Variants in ENPP6 observed in about 807,000 individuals in gnomAD.
ENPP6 encodes ectonucleotide pyrophosphatase/phosphodiesterase 6, also known as glycerophosphocholine cholinephosphodiesterase ENPP6.
A neutral mutation model predicts 42.0 loss-of-function variants in ENPP6; 32 were observed. The observed-to-expected ratio is 0.76, with a 90% confidence interval of 0.58 to 1.02. ENPP6 has a LOEUF of 1.02. Among genes scored for constraint, ENPP6 ranks in the 50% least tolerant of loss-of-function variants. ENPP6 has a pLI of 0.00. For missense variants in ENPP6, 552 were observed against 566.8 expected (o/e 0.97, Z 0.27); for synonymous variants, 213 against 216.0 (o/e 0.99, Z 0.12).
chr4:184,209,749 C>A (rs1179733206), intron 1 of ENPP6, among the ~76,000 whole-genome samples: 3 of 147,972 alleles, frequency 2.0e-5, no homozygotes, highest in Non-Finnish European at 4.4e-5. Flanking sequence ...CACAAAGATA[C>A]CCCTCGAGAA....
rs114136453 is a variant in ENPP6, at chr4:184,180,651, G to T, written c.242-26918C>A. Reference sequence around the variant, plus strand: ...ACTGAACTCAGCAGCACATCAAAAAGCTTATCCACCGTAGTGGAGTTGGCT... The same window carrying T: ...ACTGAACTCAGCAGCACATCAAAAATCTTATCCACCGTAGTGGAGTTGGCT... On this transcript the variant is annotated intron_variant, in intron 1 of 7. Coordinates refer to ENST00000296741, the MANE Select transcript of ENPP6 (RefSeq NM_153343.4). 3.6e-3 allele frequency among the ~76,000 whole-genome samples: 551 copies of T among 152,286 alleles called. 3 individuals carry two copies. The highest frequency in any genetic ancestry group is 0.013 in the African/African-American group (535 of 41,556).
At chr4:184,113,710 A>C (rs1736251502) in intron 5 of ENPP6, among the ~76,000 whole-genome samples, 1 of 152,242 alleles carries the variant, frequency 6.6e-6, no homozygotes, top group African/African-American at 2.4e-5. Flanking sequence ...TTAAAGCACT[A>C]GTACTTGTTT....
intron 6 of ENPP6, among the ~76,000 whole-genome samples, chr4:184,098,350 C>T (rs778850516): frequency 3.9e-5 from 6 of 152,174 alleles, no homozygotes; most frequent in Admixed American, 1.3e-4. Flanking sequence ...AACCGAATGG[C>T]GGGATATCCA....
Position 184,160,142 on chromosome 4 carries a change from AC to A in ENPP6, c.242-6410del, listed in dbSNP as rs1737237618. Among the ~76,000 whole-genome samples the A allele has an allele frequency of 1.3e-5, 2 of 152,108 alleles. 1 individual carries two copies. Among genetic ancestry groups the A allele is most frequent in the South Asian group, 4.1e-4 (2 of 4,822 alleles). ...GTGCAAGTGTCTTTTTTATATAATGACTTCTTTTCCTTTGGGTAGATACATA... is the reference window on the plus strand; with the variant it reads ...GTGCAAGTGTCTTTTTTATATAATGATTCTTTTCCTTTGGGTAGATACATA... On this transcript the variant is annotated intron_variant, in intron 1 of 7. Transcript: ENST00000296741.
chr4:184,123,249 C>T (rs1468335934), intron 3 of ENPP6, among the ~76,000 whole-genome samples: 2 of 152,100 alleles, frequency 1.3e-5, no homozygotes, highest in South Asian at 2.1e-4. Flanking sequence ...GTATCTGAGG[C>T]AGTTTTAGGG....
At chr4:184,200,288 G>A (rs1351041064) in intron 1 of ENPP6, among the ~76,000 whole-genome samples, 1 of 152,188 alleles carries the variant, frequency 6.6e-6, no homozygotes, top group African/African-American at 2.4e-5. Flanking sequence ...AGGACGTCCG[G>A]ACCCACTCGG....
At chr4:184,132,834 CATATATATAT>C (rs61030947) in intron 2 of ENPP6, among the ~76,000 whole-genome samples, 1 of 80,836 alleles carries the variant, frequency 1.2e-5, no homozygotes, top group African/African-American at 4.8e-5. Flanking sequence ...CACACACACA[CATATATATAT>C]ATATATATAT....
At chr4:184,124,026 A>C in intron 3 of ENPP6, 135 bp downstream of exon 3, 2 of 599,140 alleles carry the variant, frequency 3.3e-6, no homozygotes, top group Non-Finnish European at 5.7e-6. Context: ...AGCAGTTAAC[A>C]ATCACTATGC....
At chr4:184,109,513 C>A (rs1736164922) in intron 6 of ENPP6, among the ~76,000 whole-genome samples, 1 of 152,110 alleles carries the variant, frequency 6.6e-6, no homozygotes, top group African/African-American at 2.4e-5. Flanking sequence ...AATTTCGCAG[C>A]CCTTATCATT....
In ENPP6 at chr4:184,123,825, T is replaced by C. The variant is rs182643748; in HGVS notation, c.533+336A>G. On this transcript the variant is annotated intron_variant, in intron 3 of 7. Coordinates refer to ENST00000296741, the MANE Select transcript of ENPP6 (RefSeq NM_153343.4). ...CATATCCTTCCTTTTTGCCAAATAC[T>C]GATTAGTACCTTCAGAGACACAATT... 8.1e-4 allele frequency among the ~76,000 whole-genome samples: 123 copies of C among 152,342 alleles called. 2 individuals carry two copies. The highest frequency in any genetic ancestry group is 1.3e-3 in the Admixed American group (20 of 15,302).
At chr4:184,207,428 T>C (rs1268375987) in intron 1 of ENPP6, among the ~76,000 whole-genome samples, 1 of 152,236 alleles carries the variant, frequency 6.6e-6, no homozygotes, top group Non-Finnish European at 1.5e-5. Flanking sequence ...TTTCCTTGAC[T>C]TTATGTTAAA....
rs933196901 is a variant in ENPP6 at position 184,097,273 on chromosome 4, C to T, written c.1089G>A (p.Met363Ile). 5.6e-6 allele frequency: 9 copies of T among 1,614,132 alleles called. No homozygotes were observed. Among genetic ancestry groups the T allele is most frequent in the Non-Finnish European group, 7.6e-6 (9 of 1,180,050 alleles). The change falls in exon 7 of 8, where the codon ATG (methionine) becomes ATA (isoleucine). Residue 363 changes from methionine (M) to isoleucine (I), a missense_variant. Physicochemically the swap from Met to Ile is conservative, Grantham distance 10. Transcript: ENST00000296741. ...WHGYDNELMD[M>I]RGIFLAFGPD... ...GTCCGAAGGCCAGGAAGATGCCCCG[C>T]ATGTCCATGAGCTCGTTGTCGTAGC...
At position 184,117,903 on chromosome 4, in the gene ENPP6, G is replaced by A. The variant is rs2111347315; in HGVS notation, c.534-3C>T. ...CTGCCAGGTCGGCCCGGCCACTCCT[G>A]GAGGGACAGAGGAGAGAGGCATAGG... is the stretch of plus-strand genomic sequence containing the variant. On this transcript the variant is annotated splice_polypyrimidine_tract_variant and splice_region_variant and intron_variant, in intron 3 of 7. Coordinates refer to ENST00000296741, the MANE Select transcript of ENPP6 (RefSeq NM_153343.4). The A allele has an allele frequency of 6.2e-7, 1 of 1,613,824 alleles. No homozygotes were observed. The highest frequency in any genetic ancestry group is 8.5e-7 in the Non-Finnish European group (1 of 1,179,898).
chr4:184,158,512 A>C (rs1239488236), intron 1 of ENPP6, among the ~76,000 whole-genome samples: 1 of 152,260 alleles, frequency 6.6e-6, no homozygotes, highest in African/African-American at 2.4e-5. Context: ...GAAGAAGTGT[A>C]CAATTATAAT....
intron 2 of ENPP6, among the ~76,000 whole-genome samples, chr4:184,130,089 G>C (rs527350357): frequency 6.6e-6 from 1 of 152,166 alleles, no homozygotes; most frequent in African/African-American, 2.4e-5. Context: ...GCTTAGGGTG[G>C]GAAGCTTTGC....
In ENPP6 at chr4:184,131,258, C is replaced by CTTTCTCTTTCTTTCTTTCTTTCCTTCTT. The variant is rs1289670998; in HGVS notation, c.422-6987_422-6986insAAGAAGGAAAGAAAGAAAGAAAGAGAAA. ...TCCTTTTCTTTCTTTCTTTCTCTTT[C>CTTTCTCTTTCTTTCTTTCTTTCCTTCTT]TCTTCCTTCCTTCCTTCCTTCCTTC... On this transcript the variant is annotated intron_variant, in intron 2 of 7. Coordinates refer to ENST00000296741, the MANE Select transcript of ENPP6 (RefSeq NM_153343.4). 5.0e-4 allele frequency among the ~76,000 whole-genome samples: 18 copies of CTTTCTCTTTCTTTCTTTCTTTCCTTCTT among 36,186 alleles called. 2 individuals are homozygous for CTTTCTCTTTCTTTCTTTCTTTCCTTCTT. Among genetic ancestry groups the CTTTCTCTTTCTTTCTTTCTTTCCTTCTT allele is most frequent in the African/African-American group, 1.9e-3 (16 of 8,440 alleles). The allele number at this position is 36,186 out of a possible 152,430, so 23.7% of individuals were successfully genotyped here.
chr4:184,180,134 GAAGAA>G (rs1490751336), intron 1 of ENPP6, among the ~76,000 whole-genome samples: 2 of 152,014 alleles, frequency 1.3e-5, no homozygotes, highest in African/African-American at 4.8e-5. Context: ...GACTAATAAA[GAAGAA>G]AAGAAAGAAG....
intron 2 of ENPP6, among the ~76,000 whole-genome samples, chr4:184,151,608 A>G (rs1349991212): frequency 1.3e-5 from 2 of 152,192 alleles, no homozygotes; most frequent in Non-Finnish European, 2.9e-5. Context: ...GTTATCATGG[A>G]AGATAATCCT....
intron 6 of ENPP6, among the ~76,000 whole-genome samples, chr4:184,102,281 A>T (rs1183878222): frequency 6.6e-6 from 1 of 152,128 alleles, no homozygotes; most frequent in African/African-American, 2.4e-5. Context: ...CAGAAATGCG[A>T]GGCTGCGCTG....
Sources: allele counts gnomAD v4.1 joint callset (sites outside exome capture counted in the v4.1 genomes callset), GRCh38; gene constraint gnomAD v4.1.1; transcripts MANE v1.5; gene names NCBI Gene and HGNC (gene_info 2026-07-23, HGNC 2026-07-21).